Variants in NDUFAF7 observed in about 807,000 individuals in gnomAD.
NDUFAF7 encodes NADH:ubiquinone oxidoreductase complex assembly factor 7, also known as protein arginine methyltransferase NDUFAF7, mitochondrial.
Under a neutral mutation model 47.2 loss-of-function variants are expected in NDUFAF7, and 48 were observed. The observed-to-expected ratio is 1.02, with a 90% CI of 0.81 to 1.29. NDUFAF7 has a LOEUF of 1.29. Among genes scored for constraint, NDUFAF7 ranks in the 50% most tolerant of loss-of-function variants. NDUFAF7 has a pLI of 0.00. For missense variants in NDUFAF7, 635 were observed against 537.6 expected (o/e 1.18, Z -1.79); for synonymous variants, 217 against 190.0 (o/e 1.14, Z -1.17).
At chr2:37,258,332 G>A (rs1668139744), downstream of NDUFAF7, among the ~76,000 whole-genome samples, 1 of 152,108 alleles carries the variant, frequency 6.6e-6, no homozygotes, top group African/African-American at 2.4e-5. Context: ...TGAAGAGTAC[G>A]AATACTGAGC....
rs751573166 is a variant in NDUFAF7 at position 37,232,076 on chromosome 2, T to C, written c.56-30T>C. The C allele has an allele frequency of 1.9e-6, 3 of 1,614,068 alleles. No individual in the cohort carries two copies. The African/African-American group carries it at 4.0e-5, about 22-fold the overall frequency. On this transcript the variant is annotated intron_variant, in intron 1 of 9. Transcript: ENST00000002125. Reference sequence around the variant, plus strand: ...CGCTCGTGAATGGTCAGATTTATCATGGGGTCTGTTTAATTTGTGTTTTTC... The same window carrying C: ...CGCTCGTGAATGGTCAGATTTATCACGGGGTCTGTTTAATTTGTGTTTTTC...
At chr2:37,241,088 G>T (rs1414924560) in intron 4 of NDUFAF7, among the ~76,000 whole-genome samples, 1 of 152,016 alleles carries the variant, frequency 6.6e-6, no homozygotes, top group Admixed American at 6.6e-5. Flanking sequence ...GTTTACAACA[G>T]TGAAAAAATG....
chr2:37,260,082 T>G, the NDUFAF7 span: 1 of 730,208 alleles, frequency 1.4e-6, no homozygotes, highest in Non-Finnish European at 2.2e-6. Flanking sequence ...TGAGAATCAC[T>G]TGAATCCAGG....
At chr2:37,268,354 A>G in the NDUFAF7 span, 1 of 470,810 alleles carries the variant, frequency 2.1e-6, no homozygotes, top group Non-Finnish European at 4.4e-6. Context: ...AGATGTAACT[A>G]CTCTTAAAAC....
intron 2 of NDUFAF7, among the ~76,000 whole-genome samples, chr2:37,235,196 T>G (rs146770240): frequency 6.6e-6 from 1 of 151,508 alleles, no homozygotes; most frequent in African/African-American, 2.4e-5. Context: ...CCAGGGAAAG[T>G]TGAAAAGGGA....
chr2:37,255,110 TAGAAG>T (rs1667828052), downstream of NDUFAF7, among the ~76,000 whole-genome samples: 1 of 152,228 alleles, frequency 6.6e-6, no homozygotes, highest in African/African-American at 2.4e-5. Flanking sequence ...GTGATTCTGA[TAGAAG>T]AGGTCTACAG....
chr2:37,269,122 C>T, the NDUFAF7 span: 2 of 165,274 alleles, frequency 1.2e-5, no homozygotes, highest in African/African-American at 4.8e-5. Context: ...TTTATTAGTT[C>T]CATTAAACAG....
At chr2:37,244,043 T>C in intron 7 of NDUFAF7, 70 bp downstream of exon 7, 1 of 1,302,960 alleles carries the variant, frequency 7.7e-7, no homozygotes, top group South Asian at 1.3e-5. Context: ...TCTGAGTTAC[T>C]ACTTTAGAGT....
chr2:37,241,719 G>T lies in NDUFAF7; in HGVS notation c.550G>T (p.Val184Leu). 1 of 1,614,056 alleles carries T rather than the reference G, an allele frequency of 6.2e-7. No homozygotes were observed. Among genetic ancestry groups the T allele is most frequent in the Non-Finnish European group, 8.5e-7 (1 of 1,179,990 alleles). ...VPLERNAGSPVYMKGVTKSGI... is the reference protein window; with the variant it reads ...VPLERNAGSPLYMKGVTKSGI... ...GTTAGAGCGAAATGCTGGATCCCCA[G>T]TGTATATGAAAGGTGTCACTAAGTC... The change falls in exon 5 of 10, where the codon GTG becomes TTG. Residue 184 changes from valine to leucine, a missense_variant. Physicochemically the swap from Val to Leu is conservative, Grantham distance 32. Transcript: ENST00000002125.
chr2:37,259,283 C>T, the NDUFAF7 span, among the ~76,000 whole-genome samples: 1 of 152,178 alleles, frequency 6.6e-6, no homozygotes, highest in South Asian at 2.1e-4. Flanking sequence ...GGTATTTATC[C>T]TAAGTACCAT....
At chr2:37,256,992 TAA>T, downstream of NDUFAF7, 1 of 1,523,576 alleles carries the variant, frequency 6.6e-7, no homozygotes. Flanking sequence ...TACCTGTCCC[TAA>T]ATATAACACT....
chr2:37,248,663 C>T lies in NDUFAF7; in HGVS notation c.*313C>T. The T allele has an allele frequency of 2.8e-6, 1 of 359,996 alleles. No individual in the cohort carries two copies. Among genetic ancestry groups the T allele is most frequent in the Non-Finnish European group, 5.4e-6 (1 of 186,498 alleles). 22.3% of individuals were successfully genotyped at this position (359,996 alleles called of 1,614,324 possible). On this transcript the variant is annotated 3_prime_UTR_variant, in exon 10 of 10. Coordinates refer to ENST00000002125, the MANE Select transcript of NDUFAF7 (RefSeq NM_144736.5). ...GGCGTGGTGGCTCATGCCTGTAATC[C>T]CAGCACTTTGGGAGGCTGAGGTGGG...
At chr2:37,250,912 T>C (rs937687871), downstream of NDUFAF7, 1 of 152,672 alleles carries the variant, frequency 6.5e-6, no homozygotes, top group African/African-American at 2.4e-5. Context: ...GGAATAATCA[T>C]TCAACTCCAG....
chr2:37,248,297 T>C lies in NDUFAF7; in HGVS notation c.1273T>C (p.Ser425Pro), dbSNP rs755827625. ...AAGATATCAGAGGAATGCACGTCAG[T>C]CAAAACCCTTTGCATCCGTTGTAGC... ...GGRYQRNARQ[S>P]KPFASVVAGF... is the part of the protein sequence containing the mutation. Residue 425 changes from serine to proline, a missense_variant, in exon 10 of 10, where the codon TCA becomes CCA. Coordinates refer to ENST00000002125, the MANE Select transcript of NDUFAF7 (RefSeq NM_144736.5). 159 of 1,614,034 alleles carry C rather than the reference T, an allele frequency of 9.9e-5. No homozygotes were observed. The highest frequency in any genetic ancestry group is 1.3e-4 in the Non-Finnish European group (156 of 1,180,006).
chr2:37,262,499 C>T, the NDUFAF7 span, among the ~76,000 whole-genome samples: 1 of 152,112 alleles, frequency 6.6e-6, no homozygotes, highest in Non-Finnish European at 1.5e-5. Flanking sequence ...AGATCGTTTT[C>T]CAAGCAGCAA....
At chr2:37,249,761 G>A (rs543838158), downstream of NDUFAF7, among the ~76,000 whole-genome samples, 1 of 151,966 alleles carries the variant, frequency 6.6e-6, no homozygotes, top group South Asian at 2.1e-4. Flanking sequence ...GAAGCTGTGT[G>A]TTAATACTGG....
chr2:37,262,895 T>TCC, the NDUFAF7 span, among the ~76,000 whole-genome samples: 108 of 144,492 alleles, frequency 7.5e-4, no homozygotes, highest in East Asian at 0.015. Flanking sequence ...TAAGATTCCT[T>TCC]CCCCCCCCCG....
chr2:37,254,642 T>TA (rs1558519361), downstream of NDUFAF7, among the ~76,000 whole-genome samples: 1 of 152,202 alleles, frequency 6.6e-6, no homozygotes, highest in Admixed American at 6.5e-5. Flanking sequence ...GTTGCTGACA[T>TA]ATGTTAAGGG....
At chr2:37,253,244 T>C, downstream of NDUFAF7, 1 of 1,612,700 alleles carries the variant, frequency 6.2e-7, no homozygotes, top group Non-Finnish European at 8.5e-7. Context: ...TACAAGGTTA[T>C]GTGTGTATGC....
Sources: allele counts gnomAD v4.1 joint callset (sites outside exome capture counted in the v4.1 genomes callset), GRCh38; gene constraint gnomAD v4.1.1; transcripts MANE v1.5; gene names NCBI Gene and HGNC (gene_info 2026-07-23, HGNC 2026-07-21).